The following KIAA1217 variants were observed in gnomAD, a reference collection of about 807,000 sequenced individuals.
KIAA1217 encodes sickle tail protein homolog.
Under a neutral mutation model 163.9 loss-of-function variants are expected in KIAA1217, and 88 were observed. The observed-to-expected ratio is 0.54, with a 90% CI of 0.45 to 0.64. The LOEUF is 0.64. KIAA1217 is among the 30% of genes least tolerant of loss of function. KIAA1217 has a pLI of 0.00. For missense variants in KIAA1217, 2,372 were observed against 2,475.0 expected, an observed-to-expected ratio of 0.96 and a Z score of 0.88; for synonymous variants, 903 against 923.1, an observed-to-expected ratio of 0.98 and a Z score of 0.39.
At chr10:24,175,223 T>C (rs1416530504) in intron 2 of KIAA1217, among the ~76,000 whole-genome samples, 1 of 152,174 alleles carries the variant, frequency 6.6e-6, no homozygotes, top group Non-Finnish European at 1.5e-5. Context: ...TCAAAGTCCA[T>C]TGTATCATTC....
At chr10:24,487,468 C>T (rs1466996775) in intron 6 of KIAA1217, among the ~76,000 whole-genome samples, 1 of 152,258 alleles carries the variant, frequency 6.6e-6, no homozygotes, top group Non-Finnish European at 1.5e-5. Context: ...AAATAAACAG[C>T]ATCCCTAGGA....
chr10:24,445,278 C>A (rs181314098), intron 5 of KIAA1217, among the ~76,000 whole-genome samples: 112 of 152,160 alleles, frequency 7.4e-4, no homozygotes, highest in African/African-American at 2.6e-3. Context: ...CCACAGCCTC[C>A]CTTCCTTGAT....
intron 1 of KIAA1217, among the ~76,000 whole-genome samples, chr10:23,755,615 A>T (rs1024933532): frequency 6.6e-6 from 1 of 152,196 alleles, no homozygotes; most frequent in Non-Finnish European, 1.5e-5. Context: ...ACAAACGAGG[A>T]ATGAAAAGAG....
chr10:23,717,593 G>T (rs541428418), intron 1 of KIAA1217, among the ~76,000 whole-genome samples: 2 of 152,260 alleles, frequency 1.3e-5, no homozygotes, highest in East Asian at 3.9e-4. Context: ...AGGTGGGGTG[G>T]TTCAGGAGAT....
chr10:24,266,327 C>T (rs561669348), intron 2 of KIAA1217, among the ~76,000 whole-genome samples: 4 of 152,302 alleles, frequency 2.6e-5, no homozygotes, highest in African/African-American at 9.6e-5. Context: ...GATCCGCCAG[C>T]CTCAGCCTCC....
chr10:24,148,013 A>T (rs2131850642), intron 2 of KIAA1217, among the ~76,000 whole-genome samples: 1 of 152,190 alleles, frequency 6.6e-6, no homozygotes, highest in East Asian at 1.9e-4. Context: ...TAAGGTTAGA[A>T]TATTGTTTTA....
Position 24,438,478 on chromosome 10 carries a change from G to T in KIAA1217, c.845G>T (p.Arg282Met). 6.2e-7 allele frequency: 1 copy of T among 1,600,502 alleles called. No homozygotes were observed. Among genetic ancestry groups the T allele is most frequent in the Non-Finnish European group, 8.6e-7 (1 of 1,167,652 alleles). The change falls in exon 5 of 21, where the codon AGG (arginine) becomes ATG (methionine). Residue 282 changes from arginine to methionine, a missense_variant and splice_region_variant. Arg to Met is a moderately conservative substitution (Grantham distance 91). Coordinates refer to ENST00000376454, the MANE Select transcript of KIAA1217 (RefSeq NM_019590.5). ...HTPKTMNGDM[R>M]MQRELVYARG... ...CCAAAAACTATGAATGGAGACATGA[G>T]GGTAAGTGTTTCTGTCATATTTTTA...
chr10:23,824,642 AAAAAAAAATAAAAAAAAT>A (rs1250449972), intron 1 of KIAA1217, among the ~76,000 whole-genome samples: 1 of 90,446 alleles, frequency 1.1e-5, no homozygotes, highest in South Asian at 3.8e-4. Flanking sequence ...AAAAAAAAAA[AAAAAAAAATAAAAAAAAT>A]ATATATATAT....
intron 12 of KIAA1217, among the ~76,000 whole-genome samples, chr10:24,522,544 T>C (rs975950186): frequency 6.6e-6 from 1 of 151,912 alleles, no homozygotes; most frequent in Admixed American, 6.6e-5. Flanking sequence ...GCATTTTGAG[T>C]GGCCTGGGCC....
Position 24,318,073 on chromosome 10 carries a change from G to A in KIAA1217, c.355-62796G>A, listed in dbSNP as rs142082677. On this transcript the variant is annotated intron_variant, in intron 2 of 20. Coordinates refer to ENST00000376454, the MANE Select transcript of KIAA1217 (RefSeq NM_019590.5). ...TGCAATCCCAGCACTTTGGGAAGCGGAGGCAGGAAGATCACTTGAGGCTAG... is the reference window on the plus strand; with the variant it reads ...TGCAATCCCAGCACTTTGGGAAGCGAAGGCAGGAAGATCACTTGAGGCTAG... 8.3e-4 allele frequency among the ~76,000 whole-genome samples: 126 copies of A among 152,268 alleles called. No individual in the cohort carries two copies. The East Asian group carries it at 0.011, about 13-fold the overall frequency.
At chr10:24,127,318 G>A (rs551624495) in intron 2 of KIAA1217, among the ~76,000 whole-genome samples, 17 of 152,082 alleles carry the variant, frequency 1.1e-4, no homozygotes, top group African/African-American at 3.4e-4. Flanking sequence ...ATAGGGTGGG[G>A]TTGGGGAGGG....
At chr10:24,404,444 A>G (rs896091455) in intron 3 of KIAA1217, among the ~76,000 whole-genome samples, 4 of 151,810 alleles carry the variant, frequency 2.6e-5, no homozygotes, top group Non-Finnish European at 5.9e-5. Context: ...GTGTGTGCCT[A>G]TAATCCCAGC....
intron 1 of KIAA1217, among the ~76,000 whole-genome samples, chr10:23,923,232 C>T (rs776254013): frequency 2.0e-5 from 3 of 152,188 alleles, no homozygotes; most frequent in Non-Finnish European, 4.4e-5. Flanking sequence ...CTTAGAATAA[C>T]GGTCACCGGT....
chr10:24,105,618 T>C (rs749582442), intron 2 of KIAA1217, among the ~76,000 whole-genome samples: 5 of 152,358 alleles, frequency 3.3e-5, no homozygotes, highest in Non-Finnish European at 5.9e-5. Context: ...GCTGCAGTTC[T>C]GCTGTCTCCC....
At chr10:23,768,745 C>A (rs79126707) in intron 1 of KIAA1217, among the ~76,000 whole-genome samples, 4,006 of 152,222 alleles carry the variant, frequency 0.026, 178 homozygotes, top group African/African-American at 0.089. Flanking sequence ...CCATTTAGCA[C>A]AGCCCAGAGA....
chr10:24,125,344 G>C (rs895844987), intron 2 of KIAA1217, among the ~76,000 whole-genome samples: 2 of 151,666 alleles, frequency 1.3e-5, no homozygotes, highest in Non-Finnish European at 2.9e-5. Context: ...GTGTGTGTGT[G>C]TGTGTGTGTG....
At chr10:24,338,427 A>G (rs2046667444) in intron 2 of KIAA1217, among the ~76,000 whole-genome samples, 1 of 152,194 alleles carries the variant, frequency 6.6e-6, no homozygotes, top group Non-Finnish European at 1.5e-5. Flanking sequence ...AAAAAATGAC[A>G]TTGGCTGCCC....
At chr10:24,145,485 C>A (rs1047059685) in intron 2 of KIAA1217, among the ~76,000 whole-genome samples, 1 of 152,146 alleles carries the variant, frequency 6.6e-6, no homozygotes, top group African/African-American at 2.4e-5. Context: ...AAAGGCAAAG[C>A]CAGAAAATAA....
chr10:24,102,475 G>A (rs113981712), intron 2 of KIAA1217, among the ~76,000 whole-genome samples: 1 of 152,132 alleles, frequency 6.6e-6, no homozygotes, highest in African/African-American at 2.4e-5. Context: ...CCAACTTGAT[G>A]TATAGATTCA....
Sources: gnomAD v4.1 joint callset for allele counts (sites outside exome capture counted in the v4.1 genomes callset) on GRCh38, gnomAD v4.1.1 for gene constraint, MANE v1.5 for transcripts, NCBI Gene and HGNC (gene_info 2026-07-23, HGNC 2026-07-21) for gene names.